LSM11: variants seen among roughly 807,000 people sequenced by gnomAD.
The protein encoded by LSM11 is LSM11, U7 small nuclear RNA associated.
In LSM11, 14 loss-of-function variants were observed where a neutral mutation model predicts 28.1. That is an observed-to-expected ratio of 0.50 (90% CI 0.33 to 0.78). The LOEUF (loss-of-function observed/expected upper bound fraction) is 0.78, where lower values mean the gene tolerates loss of function less well. Among genes scored for constraint, LSM11 ranks in the 30% least tolerant of loss-of-function variants. The pLI is 0.02. For missense variants in LSM11, 495 were observed against 510.6 expected (o/e 0.97, Z 0.30); for synonymous variants, 207 against 214.2 (o/e 0.97, Z 0.30).
rs1341015184 is a variant in LSM11, at chr5:157,758,069, CATGATAATTACT to C, written c.*2806_*2817del. On this transcript the variant is annotated 3_prime_UTR_variant, in exon 4 of 4. Coordinates refer to ENST00000286307, the MANE Select transcript of LSM11 (RefSeq NM_173491.4). Reference sequence around the variant, plus strand: ...AGTAAATGTGCTGTTTTGTATAAAGCATGATAATTACTTTTTAACAGAAGTTCATTTTTAAAG... The same window carrying C: ...AGTAAATGTGCTGTTTTGTATAAAGCTTTTAACAGAAGTTCATTTTTAAAG... 1.3e-5 allele frequency: 2 copies of C among 152,148 alleles called. No individual in the cohort carries two copies. Among genetic ancestry groups the C allele is most frequent in the African/African-American group, 2.4e-5 (1 of 41,450 alleles). The allele number at this position is 152,148 out of a possible 1,614,324, so 9.4% of individuals were successfully genotyped here. A position where few individuals can be genotyped will look rare whatever the true frequency, so the allele number is the denominator to read the frequency against.
chr5:157,750,089 GAGAA>G (rs1399699610), intron 1 of LSM11, among the ~76,000 whole-genome samples: 1 of 151,932 alleles, frequency 6.6e-6, no homozygotes, highest in African/African-American at 2.4e-5. Context: ...GTGTACGCAC[GAGAA>G]AGAGAGAGAG....
chr5:157,747,388 T>G (rs1761164407), intron 1 of LSM11: 1 of 162,866 alleles, frequency 6.1e-6, no homozygotes, highest in Admixed American at 6.1e-5. Flanking sequence ...TGAACAAGTG[T>G]GTGTGGTCAA....
rs537077891 is a variant in LSM11, at chr5:157,755,326, C to A, written c.*62C>A. 200 of 1,507,024 alleles carry A rather than the reference C, an allele frequency of 1.3e-4. No homozygotes were observed. Among genetic ancestry groups the A allele is most frequent in the Non-Finnish European group, 1.7e-4 (194 of 1,108,738 alleles). 93.4% of individuals were successfully genotyped at this position (1,507,024 alleles called of 1,614,324 possible). ...TGCATGAATTGCTGCTATGCTGTAT[C>A]CTAGTATCCCAGTGAAACTCTGAGT... On this transcript the variant is annotated 3_prime_UTR_variant, in exon 4 of 4. Transcript: ENST00000286307.
intron 1 of LSM11, among the ~76,000 whole-genome samples, chr5:157,750,437 C>G (rs947721326): frequency 6.6e-6 from 1 of 152,226 alleles, no homozygotes; most frequent in Admixed American, 6.5e-5. Flanking sequence ...TTATCCTGCT[C>G]TCTTCACATG....
rs5872520 is a variant in LSM11, at chr5:157,747,993, C to CTGTGTGTG, written c.449-3369_449-3362dup. Among the ~76,000 whole-genome samples, 1,377 of 148,720 alleles carry CTGTGTGTG rather than the reference C, an allele frequency of 9.3e-3. 19 individuals are homozygous for CTGTGTGTG. The highest frequency in any genetic ancestry group is 0.032 in the African/African-American group (1,286 of 40,318). ...CTCAGATGATTTCTGCACCACACTG[C>CTGTGTGTG]TGTGTGTGTGTGTGTGTGTGTGTGT... On this transcript the variant is annotated intron_variant, in intron 1 of 3. Transcript: ENST00000286307.
At position 157,744,092 on chromosome 5, in the gene LSM11, C is replaced by G; in HGVS notation, c.342C>G (p.Arg114=). 1 of 1,487,432 alleles carries G rather than the reference C, an allele frequency of 6.7e-7. No individual in the cohort carries two copies. The highest frequency in any genetic ancestry group is 8.9e-7 in the Non-Finnish European group (1 of 1,124,536). The allele number at this position is 1,487,432 out of a possible 1,614,324, so 92.1% of individuals were successfully genotyped here. The change falls in exon 1 of 4, where the codon CGC becomes CGG. Residue 114 remains arginine, a synonymous_variant. Coordinates refer to ENST00000286307, the MANE Select transcript of LSM11 (RefSeq NM_173491.4). ...ACCCCGAGCGCATCCAGCGCCTCCG[C>G]CGTCTCATGGTGGCCAAAGAGGAAG... ...APDPERIQRL[R]RLMVAKEEGD...
At chr5:157,754,692 C>CAA (rs34644413) in intron 3 of LSM11, among the ~76,000 whole-genome samples, 162 bp from the exon 4 acceptor site, 12 of 90,268 alleles carry the variant, frequency 1.3e-4, no homozygotes, top group Non-Finnish European at 1.3e-4. Context: ...ACTCCGTCTC[C>CAA]AAAAAAAAAA....
At chr5:157,753,976 T>C (rs1217179530) in intron 2 of LSM11, 28 bp from the exon 3 acceptor site, 1 of 1,447,314 alleles carries the variant, frequency 6.9e-7, no homozygotes, top group Non-Finnish European at 9.3e-7. Context: ...TTCTGTCTAA[T>C]GTTTTTCCTT....
rs945074871 is a variant in LSM11, at chr5:157,758,152, T to A, written c.*2888T>A. ...TCTTTTTTTTGAGACAATTTCTCTC[T>A]TGTTGCCTAGGCAGTGCAGTGGCGC... is the stretch of plus-strand genomic sequence containing the variant. On this transcript the variant is annotated 3_prime_UTR_variant, in exon 4 of 4. Transcript: ENST00000286307. The A allele has an allele frequency of 2.6e-5, 4 of 152,268 alleles. No individual in the cohort carries two copies. Among genetic ancestry groups the A allele is most frequent in the Admixed American group, 1.3e-4 (2 of 15,294 alleles). The allele number at this position is 152,268 out of a possible 1,614,324, so 9.4% of individuals were successfully genotyped here. A position where few individuals can be genotyped will look rare whatever the true frequency, so the allele number is the denominator to read the frequency against.
intron 1 of LSM11, among the ~76,000 whole-genome samples, chr5:157,744,545 C>T (rs1453042561): frequency 6.6e-6 from 1 of 152,004 alleles, no homozygotes; most frequent in African/African-American, 2.4e-5. Context: ...AGAGGGTCTA[C>T]AGGATTGATG....
rs146871136 is a variant in LSM11, at chr5:157,751,122, A to T, written c.449-268A>T. Among the ~76,000 whole-genome samples, 457 of 152,262 alleles carry T rather than the reference A, an allele frequency of 3.0e-3. 1 individual carries two copies. The highest frequency in any genetic ancestry group is 6.8e-3 in the Middle Eastern group (2 of 294). On this transcript the variant is annotated intron_variant, in intron 1 of 3. Coordinates refer to ENST00000286307, the MANE Select transcript of LSM11 (RefSeq NM_173491.4). Reference sequence around the variant, plus strand: ...GTGATAGTGCATGTTAAAATCAGTGACATCGTGGAATAAGAGATATACCGG... The same window carrying T: ...GTGATAGTGCATGTTAAAATCAGTGTCATCGTGGAATAAGAGATATACCGG...
chr5:157,756,786 C>A lies in LSM11; in HGVS notation c.*1522C>A, dbSNP rs1467893628. On this transcript the variant is annotated 3_prime_UTR_variant, in exon 4 of 4. Transcript: ENST00000286307. Reference sequence around the variant, plus strand: ...ACAGTCTCTAAACATCTTTAAGTGCCATGAGTAATTTTTCCTGACTCTGTT... The same window carrying A: ...ACAGTCTCTAAACATCTTTAAGTGCAATGAGTAATTTTTCCTGACTCTGTT... 3 of 152,522 alleles carry A rather than the reference C, an allele frequency of 2.0e-5. No individual in the cohort carries two copies. The highest frequency in any genetic ancestry group is 4.4e-5 in the Non-Finnish European group (3 of 68,026). The allele number at this position is 152,522 out of a possible 1,614,324, so 9.4% of individuals were successfully genotyped here. A position where few individuals can be genotyped will look rare whatever the true frequency, so the allele number is the denominator to read the frequency against.
rs1166647144 is a variant in LSM11, at chr5:157,757,584, C to T, written c.*2320C>T. ...GTTTATAGAGGTTCCAGTTTACAAA[C>T]TCAAGTGAACAGTAATCTTTGGAAG... On this transcript the variant is annotated 3_prime_UTR_variant, in exon 4 of 4. Coordinates refer to ENST00000286307, the MANE Select transcript of LSM11 (RefSeq NM_173491.4). 1 of 152,168 alleles carries T rather than the reference C, an allele frequency of 6.6e-6. No individual in the cohort carries two copies. The highest frequency in any genetic ancestry group is 2.4e-5 in the African/African-American group (1 of 41,448). 9.4% of individuals were successfully genotyped at this position (152,168 alleles called of 1,614,324 possible).
At position 157,751,370 on chromosome 5, in the gene LSM11, C is replaced by T; in HGVS notation, c.449-20C>T. ...AGGGCAGATATTAAAACTGTCCTGA[C>T]TGTTCTTCTCTTGTTTCAGTGCACG... On this transcript the variant is annotated intron_variant, in intron 1 of 3. Coordinates refer to ENST00000286307, the MANE Select transcript of LSM11 (RefSeq NM_173491.4). 1 of 1,568,758 alleles carries T rather than the reference C, an allele frequency of 6.4e-7. No homozygotes were observed. Among genetic ancestry groups the T allele is most frequent in the Non-Finnish European group, 8.6e-7 (1 of 1,161,148 alleles).
Position 157,744,168 on chromosome 5 carries a change from G to T in LSM11, c.418G>T (p.Ala140Ser). ...GAGGGGTCCGGGTCGGAGCAGGAAG[G>T]CGCCACGCAACGTGCTCACGCGAAT... Reference protein sequence around the residue: ...GRRGPGRSRKAPRNVLTRMPL... With the variant: ...GRRGPGRSRKSPRNVLTRMPL... Residue 140 changes from alanine to serine, a missense_variant, in exon 1 of 4, where the codon GCG (alanine) becomes TCG (serine). Transcript: ENST00000286307. 1 of 1,390,614 alleles carries T rather than the reference G, an allele frequency of 7.2e-7. No individual in the cohort carries two copies. The highest frequency in any genetic ancestry group is 1.5e-5 in the African/African-American group (1 of 67,090). The allele number at this position is 1,390,614 out of a possible 1,614,324, so 86.1% of individuals were successfully genotyped here.
In LSM11 at chr5:157,744,066, G is replaced by A. The variant is rs1032472472; in HGVS notation, c.316G>A (p.Asp106Asn). The change falls in exon 1 of 4, where the codon GAC (aspartate) becomes AAC (asparagine). Residue 106 changes from aspartate (D) to asparagine (N), a missense_variant. Asp to Asn is a conservative substitution (Grantham distance 23, BLOSUM62 1). Transcript: ENST00000286307. ...TRRRPDAPAP[D>N]PERIQRLRRL... ...TCGCCGCCCGGACGCGCCCGCCCCG[G>A]ACCCCGAGCGCATCCAGCGCCTCCG... 2.7e-6 allele frequency: 4 copies of A among 1,469,224 alleles called. No individual in the cohort carries two copies. Among genetic ancestry groups the A allele is most frequent in the Middle Eastern group, 2.4e-4 (1 of 4,172 alleles). The allele number at this position is 1,469,224 out of a possible 1,614,324, so 91.0% of individuals were successfully genotyped here. A position where few individuals can be genotyped will look rare whatever the true frequency, so the allele number is the denominator to read the frequency against.
intron 1 of LSM11, among the ~76,000 whole-genome samples, chr5:157,747,082 T>C (rs1205055124): frequency 6.6e-6 from 1 of 152,206 alleles, no homozygotes; most frequent in Non-Finnish European, 1.5e-5. Context: ...TTGCTTTTCC[T>C]CCTTTTTAAT....
chr5:157,749,821 T>G (rs1484889430), intron 1 of LSM11, among the ~76,000 whole-genome samples: 1 of 152,226 alleles, frequency 6.6e-6, no homozygotes, highest in African/African-American at 2.4e-5. Flanking sequence ...AAGAATCTTT[T>G]ATTAATTTAT....
chr5:157,751,269 TAGTG>T, intron 1 of LSM11, 117 bp from the exon 2 acceptor site: 1 of 1,115,062 alleles, frequency 9.0e-7, no homozygotes, highest in South Asian at 1.9e-5. Context: ...CCTGTTCCAA[TAGTG>T]AGATTGTCAC....
Sources: gnomAD v4.1 joint callset for allele counts (sites outside exome capture counted in the v4.1 genomes callset) on GRCh38, gnomAD v4.1.1 for gene constraint, MANE v1.5 for transcripts, NCBI Gene and HGNC (gene_info 2026-07-23, HGNC 2026-07-21) for gene names.